Variants in SLC10A7 observed in about 807,000 individuals in gnomAD.
SLC10A7 encodes solute carrier family 10 member 7.
In SLC10A7, 29 loss-of-function variants were observed where a neutral mutation model predicts 43.2. The observed-to-expected ratio is 0.67, with a 90% CI of 0.50 to 0.92. The LOEUF (loss-of-function observed/expected upper bound fraction) is 0.92, where lower values mean the gene tolerates loss of function less well. Among genes scored for constraint, SLC10A7 ranks in the 40% least tolerant of loss-of-function variants. The pLI is 0.00. For missense variants in SLC10A7, 295 were observed against 403.2 expected (o/e 0.73, Z 2.30); for synonymous variants, 152 against 144.8 (o/e 1.05, Z -0.35).
chr4:146,410,952 A>G (rs185485229), intron 5 of SLC10A7, among the ~76,000 whole-genome samples: 3 of 151,178 alleles, frequency 2.0e-5, no homozygotes, highest in Admixed American at 2.0e-4. Context: ...TCCTGCCTCA[A>G]CCTCCCGAGT....
At chr4:146,329,032 GAA>G (rs930372543) in intron 5 of SLC10A7, among the ~76,000 whole-genome samples, 1 of 152,188 alleles carries the variant, frequency 6.6e-6, no homozygotes, top group African/African-American at 2.4e-5. Flanking sequence ...CAGTGAGATA[GAA>G]AAGTGTTGTT....
chr4:146,358,215 A>T (rs1426918716), intron 5 of SLC10A7, among the ~76,000 whole-genome samples: 1 of 152,112 alleles, frequency 6.6e-6, no homozygotes, highest in African/African-American at 2.4e-5. Flanking sequence ...ACATGGGACA[A>T]AATAGTGCTA....
At chr4:146,293,742 T>TA (rs1730595891) in intron 8 of SLC10A7, among the ~76,000 whole-genome samples, 188 bp downstream of exon 8, 2 of 152,108 alleles carry the variant, frequency 1.3e-5, no homozygotes, top group Admixed American at 1.3e-4. Context: ...CAAAGGAAAT[T>TA]ACGATATAAG....
At chr4:146,519,108 T>TA (rs1738341369) in intron 1 of SLC10A7, among the ~76,000 whole-genome samples, 1 of 16,238 alleles carries the variant, frequency 6.2e-5, no homozygotes, top group Non-Finnish European at 9.9e-5. Context: ...TATATATATA[T>TA]ATATAATATA....
chr4:146,497,987 A>AAT (rs933499222), intron 4 of SLC10A7, among the ~76,000 whole-genome samples: 3 of 152,174 alleles, frequency 2.0e-5, no homozygotes, highest in African/African-American at 4.8e-5. Flanking sequence ...AAACTAAACA[A>AAT]ATATATATAG....
intron 4 of SLC10A7, among the ~76,000 whole-genome samples, chr4:146,455,633 T>G (rs1731978629): frequency 6.6e-6 from 1 of 151,880 alleles, no homozygotes; most frequent in South Asian, 2.1e-4. Context: ...TACCATCTTC[T>G]GGGAAATAAC....
At chr4:146,451,951 C>T (rs142386125) in intron 4 of SLC10A7, among the ~76,000 whole-genome samples, 2,655 of 152,006 alleles carry the variant, frequency 0.017, 68 homozygotes, top group African/African-American at 0.061. Flanking sequence ...GTCACTGAGC[C>T]GCAGAATAAA....
intron 5 of SLC10A7, among the ~76,000 whole-genome samples, chr4:146,430,154 C>T (rs1579166187): frequency 6.6e-6 from 1 of 151,576 alleles, no homozygotes; most frequent in East Asian, 1.9e-4. Context: ...ATTTAACAAA[C>T]AGGAGAGGGT....
Position 146,256,479 on chromosome 4 carries a change from C to T in SLC10A7, c.*12G>A. 6.2e-7 allele frequency: 1 copy of T among 1,613,868 alleles called. No individual in the cohort carries two copies. Among genetic ancestry groups the T allele is most frequent in the South Asian group, 1.1e-5 (1 of 91,078 alleles). ...ACATATATACATTGCTACAGAAAGT[C>T]CACCTCCTTTGTTATACTGTCGGCC... On this transcript the variant is annotated 3_prime_UTR_variant, in exon 12 of 12. Transcript: ENST00000335472.
At chr4:146,363,928 A>G (rs897149265) in intron 5 of SLC10A7, among the ~76,000 whole-genome samples, 1 of 152,030 alleles carries the variant, frequency 6.6e-6, no homozygotes, top group Non-Finnish European at 1.5e-5. Flanking sequence ...ATAACCTAAC[A>G]ATGAATCGTA....
chr4:146,486,790 T>C (rs532477193), intron 4 of SLC10A7, among the ~76,000 whole-genome samples: 3 of 152,366 alleles, frequency 2.0e-5, no homozygotes, highest in South Asian at 4.1e-4. Flanking sequence ...GAATCCCCTA[T>C]AGGGCAGTGG....
intron 5 of SLC10A7, among the ~76,000 whole-genome samples, chr4:146,342,113 G>A (rs2149728932): frequency 6.6e-6 from 1 of 151,862 alleles, no homozygotes; most frequent in South Asian, 2.1e-4. Flanking sequence ...GTTTTCTTAA[G>A]ATAATCATAC....
chr4:146,279,699 C>T (rs539977491), intron 10 of SLC10A7, among the ~76,000 whole-genome samples: 2 of 152,286 alleles, frequency 1.3e-5, no homozygotes, highest in Non-Finnish European at 2.9e-5. Context: ...GCACTTCCTT[C>T]AGGCCTCCTC....
Position 146,521,634 on chromosome 4 carries a change from G to A in SLC10A7, c.84C>T (p.Ser28=), listed in dbSNP as rs1738678636. 7.4e-6 allele frequency: 12 copies of A among 1,614,050 alleles called. No homozygotes were observed. In the East Asian group the frequency reaches 2.5e-4, roughly 33 times the overall value. The change falls in exon 1 of 12, where the codon TCC becomes TCT. Residue 28 remains serine, a synonymous_variant. Transcript: ENST00000335472. ...LAIAGAKLEP[S]IGVNGGPLKP... ...AGCACTTACCCCCATTCACCCCTATGGACGGCTCCAGTTTAGCTCCAGCGA... is the reference window on the plus strand; with the variant it reads ...AGCACTTACCCCCATTCACCCCTATAGACGGCTCCAGTTTAGCTCCAGCGA...
intron 5 of SLC10A7, among the ~76,000 whole-genome samples, chr4:146,441,333 C>G (rs1730583448): frequency 6.6e-6 from 1 of 152,162 alleles, no homozygotes; most frequent in Admixed American, 6.5e-5. Flanking sequence ...ATGATACATT[C>G]ATATAGTCAG....
At chr4:146,472,939 A>T (rs888414060) in intron 4 of SLC10A7, among the ~76,000 whole-genome samples, 20 of 152,188 alleles carry the variant, frequency 1.3e-4, no homozygotes, top group African/African-American at 4.6e-4. Flanking sequence ...GTGAATTTCA[A>T]ATATAAAAGC....
chr4:146,257,914 T>C (rs906296028), intron 11 of SLC10A7, among the ~76,000 whole-genome samples: 1 of 152,204 alleles, frequency 6.6e-6, no homozygotes, highest in Non-Finnish European at 1.5e-5. Context: ...ATTAAGAACA[T>C]GACACAGGGC....
At chr4:146,349,153 A>C (rs1734835336) in intron 5 of SLC10A7, among the ~76,000 whole-genome samples, 2 of 152,200 alleles carry the variant, frequency 1.3e-5, no homozygotes, top group South Asian at 4.1e-4. Context: ...ACACATTACA[A>C]TTAGACCCAC....
intron 4 of SLC10A7, among the ~76,000 whole-genome samples, chr4:146,476,965 GT>G (rs1435078924): frequency 2.0e-5 from 3 of 151,216 alleles, no homozygotes; most frequent in Non-Finnish European, 4.4e-5. Context: ...AAAAAATACA[GT>G]TGTTTCTCCA....
Sources: allele counts gnomAD v4.1 joint callset (sites outside exome capture counted in the v4.1 genomes callset), GRCh38; gene constraint gnomAD v4.1.1; transcripts MANE v1.5; gene names NCBI Gene and HGNC (gene_info 2026-07-23, HGNC 2026-07-21).